XKR9: variants seen among roughly 807,000 people sequenced by gnomAD.
XKR9 encodes the protein XK-related protein 9.
In XKR9, 32 loss-of-function variants were observed where a neutral mutation model predicts 32.0. That is an observed-to-expected ratio of 1.00 (90% confidence interval 0.76 to 1.34). The LOEUF is 1.34. Ranked by LOEUF, XKR9 falls within the 40% of genes most tolerant of loss-of-function variation. The pLI is 0.00. For synonymous variants in XKR9, 168 were observed against 143.4 expected (o/e 1.17, Z -1.22); for missense variants, 546 against 429.7 (o/e 1.27, Z -2.39).
At chr8:70,805,542 T>G in the XKR9 span, among the ~76,000 whole-genome samples, 1 of 152,150 alleles carries the variant, frequency 6.6e-6, no homozygotes, top group Non-Finnish European at 1.5e-5. Context: ...TTCATCTCTA[T>G]AGCTCCAGGC....
chr8:70,792,199 A>G (rs144721599), downstream of XKR9, among the ~76,000 whole-genome samples: 1,519 of 152,256 alleles, frequency 1.0e-2, 23 homozygotes, highest in African/African-American at 0.035. Context: ...ATTAACACTA[A>G]TAGACTCTTT....
the XKR9 span, among the ~76,000 whole-genome samples, chr8:70,905,789 C>T: frequency 2.8e-4 from 42 of 152,140 alleles, no homozygotes; most frequent in African/African-American, 7.0e-4. Flanking sequence ...ACGATGGTGA[C>T]GCACGGATGG....
At chr8:70,928,846 A>G in the XKR9 span, among the ~76,000 whole-genome samples, 1 of 152,216 alleles carries the variant, frequency 6.6e-6, no homozygotes, top group Non-Finnish European at 1.5e-5. Context: ...TCATATGCAC[A>G]TTTAACTAAA....
At chr8:70,741,671 G>A (rs1428241281) in intron 2 of XKR9, among the ~76,000 whole-genome samples, 2 of 152,050 alleles carry the variant, frequency 1.3e-5, no homozygotes, top group African/African-American at 4.8e-5. Flanking sequence ...GGATATTTGG[G>A]TTGCTTCCAC....
chr8:70,734,018 G>A lies in XKR9; in HGVS notation c.716G>A (p.Trp239Ter). 6.2e-7 allele frequency: 1 copy of A among 1,612,486 alleles called. No homozygotes were observed. Among genetic ancestry groups the A allele is most frequent in the Non-Finnish European group, 8.5e-7 (1 of 1,179,564 alleles). The change falls in exon 5 of 5, where the codon TGG (tryptophan) becomes TAG (stop). Residue 239 changes from tryptophan to a stop codon, truncating the protein, a stop_gained. Transcript: ENST00000408926. LOFTEE classifies it high-confidence loss of function. ...GCTTTATTTCTGTTGTTATTTCTTT[G>A]GTTGTTAGGTATAATATGGGCATTT... ...KIALFLLLFL[W>*]LLGIIWAFKN...
chr8:70,740,556 T>G (rs1806953548), downstream of XKR9, among the ~76,000 whole-genome samples: 1 of 143,784 alleles, frequency 7.0e-6, no homozygotes. Flanking sequence ...TTTTAGAGTT[T>G]CCAGTTTTTC....
At chr8:70,966,109 G>T in the XKR9 span, among the ~76,000 whole-genome samples, 3 of 152,104 alleles carry the variant, frequency 2.0e-5, no homozygotes, top group Non-Finnish European at 4.4e-5. Flanking sequence ...GTTCTGGTAT[G>T]TTGTCTCTCT....
intron 2 of XKR9, among the ~76,000 whole-genome samples, chr8:70,783,226 C>CTTTTTTTTTTTTTTTT (rs57296282): frequency 6.9e-6 from 1 of 144,022 alleles, no homozygotes. Context: ...ATTTGTATGT[C>CTTTTTTTTTTTTTTTT]TTTTTTTTTT....
the XKR9 span, among the ~76,000 whole-genome samples, chr8:70,910,003 C>T: frequency 2.0e-5 from 3 of 151,660 alleles, no homozygotes; most frequent in Admixed American, 6.6e-5. Flanking sequence ...GCACCATGAC[C>T]GGCCTGATTT....
At chr8:70,764,531 T>C (rs1449168721) in intron 2 of XKR9, among the ~76,000 whole-genome samples, 1 of 152,194 alleles carries the variant, frequency 6.6e-6, no homozygotes, top group Non-Finnish European at 1.5e-5. Context: ...TGAAAGTCTA[T>C]GATTAAGATG....
intron 4 of XKR9, among the ~76,000 whole-genome samples, chr8:70,714,840 C>T (rs1245252359): frequency 6.6e-6 from 1 of 152,024 alleles, no homozygotes; most frequent in African/African-American, 2.4e-5. Flanking sequence ...TAATGAAAAT[C>T]TCTGAATTAA....
At chr8:70,741,372 T>A (rs932472605) in intron 2 of XKR9, among the ~76,000 whole-genome samples, 4 of 152,232 alleles carry the variant, frequency 2.6e-5, no homozygotes, top group African/African-American at 9.6e-5. Flanking sequence ...ATGCTAGTGC[T>A]ATGCTCTTGG....
chr8:70,754,933 A>C (rs1028596086), intron 2 of XKR9, among the ~76,000 whole-genome samples: 1 of 152,202 alleles, frequency 6.6e-6, no homozygotes, highest in Admixed American at 6.5e-5. Context: ...TAAACTGAAG[A>C]GCTTCTGCAC....
chr8:71,044,557 C>T, the XKR9 span, among the ~76,000 whole-genome samples: 92,320 of 152,102 alleles, frequency 0.61, 29,864 homozygotes, highest in East Asian at 0.94. Flanking sequence ...GAAGTTCTTT[C>T]TCAGTTTGTG....
the XKR9 span, among the ~76,000 whole-genome samples, chr8:70,854,988 T>C: frequency 2.6e-5 from 4 of 152,186 alleles, no homozygotes; most frequent in Non-Finnish European, 5.9e-5. Context: ...TGGCTTAGGA[T>C]TGACTTGGCA....
the XKR9 span, among the ~76,000 whole-genome samples, chr8:70,911,866 T>A: frequency 1.3e-5 from 2 of 151,996 alleles, no homozygotes; most frequent in Non-Finnish European, 2.9e-5. Flanking sequence ...AAAAATAGGA[T>A]GACAATGACC....
the XKR9 span, among the ~76,000 whole-genome samples, chr8:70,946,722 C>T: frequency 6.6e-6 from 1 of 152,136 alleles, no homozygotes; most frequent in Non-Finnish European, 1.5e-5. Context: ...ATATGATTTG[C>T]CTATGAATGT....
At chr8:70,719,866 T>G (rs1806218073) in intron 4 of XKR9, among the ~76,000 whole-genome samples, 1 of 152,186 alleles carries the variant, frequency 6.6e-6, no homozygotes, top group Non-Finnish European at 1.5e-5. Context: ...CAAATAACAT[T>G]GAATCTATAA....
intron 2 of XKR9, among the ~76,000 whole-genome samples, chr8:70,776,837 C>T (rs1374429891): frequency 1.3e-5 from 2 of 151,222 alleles, no homozygotes; most frequent in African/African-American, 4.9e-5. Flanking sequence ...CTGGGAGCTG[C>T]CTGAGGGCAG....
Sources: gnomAD v4.1 joint callset for allele counts (sites outside exome capture counted in the v4.1 genomes callset) on GRCh38, gnomAD v4.1.1 for gene constraint, MANE v1.5 for transcripts, NCBI Gene and HGNC (gene_info 2026-07-23, HGNC 2026-07-21) for gene names.